ASL: variants seen among roughly 807,000 people sequenced by gnomAD.
ASL encodes the protein argininosuccinase.
Under a neutral mutation model 69.1 loss-of-function variants are expected in ASL, and 51 were observed. The ratio of observed to expected loss-of-function variants is 0.74; its 90% CI spans 0.59 to 0.93. The LOEUF is 0.93. Among genes scored for constraint, ASL ranks in the 40% least tolerant of loss-of-function variants. The pLI is 0.00. For synonymous variants in ASL, 241 were observed against 247.6 expected (o/e 0.97, Z 0.25); for missense variants, 540 against 623.9 (o/e 0.87, Z 1.43).
In ASL at chr7:66,087,386, G is replaced by C. The variant is rs944576125; in HGVS notation, c.655G>C (p.Glu219Gln). The change falls in exon 9 of 17, where the codon GAA becomes CAA. Residue 219 changes from glutamate (E) to glutamine (Q), a missense_variant and splice_region_variant. Physicochemically the swap from Glu to Gln is conservative, Grantham distance 29. Coordinates refer to ENST00000304874, the MANE Select transcript of ASL (RefSeq NM_000048.4). The stretch of plus-strand genomic sequence containing the variant: ...TGTGGACCGAGAGCTGCTCCGAGCA[G>C]GTGAGACGTCCTGCCCCTCCTCCCC... Reference protein sequence around the residue: ...LGVDRELLRAELNFGAITLNS... With the variant: ...LGVDRELLRAQLNFGAITLNS... The C allele has an allele frequency of 1.9e-6, 3 of 1,607,026 alleles. No individual in the cohort carries two copies. Among genetic ancestry groups the C allele is most frequent in the Non-Finnish European group, 2.5e-6 (3 of 1,179,926 alleles).
chr7:66,088,227 T>G (rs1250437291), intron 10 of ASL, among the ~76,000 whole-genome samples: 4 of 151,864 alleles, frequency 2.6e-5, no homozygotes, highest in Admixed American at 1.3e-4. Context: ...ACGCCCGTAA[T>G]CCTAGCACTT....
chr7:66,092,072 C>G lies in ASL; in HGVS notation c.1129C>G (p.Leu377Val), dbSNP rs1288503017. Residue 377 changes from leucine (L) to valine (V), a missense_variant, in exon 15 of 17, where the codon CTG becomes GTG. Leu to Val is a conservative substitution (Grantham distance 32). Transcript: ENST00000304874. ...DMLATDLAYY[L>V]VRKGMPFRQA... is the part of the protein sequence containing the mutation. ...GCTGGCCACTGACCTTGCCTATTAC[C>G]TGGTCCGCAAAGGGGTAAGTGTGTA... The G allele has an allele frequency of 6.2e-7, 1 of 1,612,668 alleles. No individual in the cohort carries two copies. The highest frequency in any genetic ancestry group is 8.5e-7 in the Non-Finnish European group (1 of 1,180,016).
intron 13 of ASL, 33 bp downstream of exon 13, chr7:66,089,368 G>A: frequency 6.3e-7 from 1 of 1,575,304 alleles, no homozygotes; most frequent in South Asian, 1.2e-5. Context: ...GCTAGTACGT[G>A]CCAGTTCTCA....
intron 9 of ASL, 113 bp from the exon 10 acceptor site, chr7:66,087,615 TC>T (rs1786707567): frequency 9.1e-7 from 1 of 1,096,378 alleles, no homozygotes; most frequent in Non-Finnish European, 1.4e-6. Flanking sequence ...AAAAGATCCC[TC>T]CCCCCAGCTG....
intron 4 of ASL, 135 bp from the exon 5 acceptor site, chr7:66,082,745 G>A: frequency 9.2e-7 from 1 of 1,081,312 alleles, no homozygotes; most frequent in Non-Finnish European, 1.4e-6. Flanking sequence ...CAGCAGAAAT[G>A]GCGAGAGATT....
rs1397223617 is a variant in ASL, at chr7:66,092,643, G to C, written c.1230G>C (p.Leu410=). The part of the protein sequence containing the change: ...TKGVALNQLS[L]QELQTISPLF... ...GGGTCGCCCTCAACCAGCTGTCACT[G>C]CAGGAGCTGCAGACCATCAGGTACG... Residue 410 remains leucine, a synonymous_variant, in exon 16 of 17, where the codon CTG becomes CTC. Coordinates refer to ENST00000304874, the MANE Select transcript of ASL (RefSeq NM_000048.4). 3 of 1,613,658 alleles carry C rather than the reference G, an allele frequency of 1.9e-6. No homozygotes were observed. The highest frequency in any genetic ancestry group is 2.5e-6 in the Non-Finnish European group (3 of 1,179,986).
chr7:66,092,704 G>A (rs1447968691), intron 16 of ASL, 41 bp downstream of exon 16: 1 of 1,613,630 alleles, frequency 6.2e-7, no homozygotes, highest in South Asian at 1.1e-5. Flanking sequence ...CCTAGGAAGT[G>A]AGCCTGGGTG....
chr7:66,089,018 G>A lies in ASL; in HGVS notation c.834-73G>A, dbSNP rs1786756265. Reference sequence around the variant, plus strand: ...GCCTTCCTCCCCGTCCCACCCCTCCGCCAGACCTGGCCATTGCGGCGCTGG... The same window carrying A: ...GCCTTCCTCCCCGTCCCACCCCTCCACCAGACCTGGCCATTGCGGCGCTGG... On this transcript the variant is annotated intron_variant, in intron 11 of 16. Transcript: ENST00000304874. The A allele has an allele frequency of 5.6e-6, 9 of 1,608,384 alleles. No individual in the cohort carries two copies. In the South Asian group the frequency reaches 9.9e-5, roughly 18 times the overall value.
At chr7:66,089,753 G>T in intron 14 of ASL, 58 bp downstream of exon 14, 1 of 1,585,360 alleles carries the variant, frequency 6.3e-7, no homozygotes, top group Non-Finnish European at 8.6e-7. Flanking sequence ...GGGTGGGCAT[G>T]CGGGGAGGGT....
chr7:66,079,630 T>C (rs2115677409), intron 2 of ASL, among the ~76,000 whole-genome samples: 1 of 152,278 alleles, frequency 6.6e-6, no homozygotes, highest in South Asian at 2.1e-4. Flanking sequence ...CATTTATTTA[T>C]TTATTTTGAG....
rs758359461 is a variant in ASL, at chr7:66,089,162, G to A, written c.905G>A (p.Arg302His). The A allele has an allele frequency of 9.3e-6, 15 of 1,613,942 alleles. No individual in the cohort carries two copies. Among genetic ancestry groups the A allele is most frequent in the Admixed American group, 1.7e-5 (1 of 60,020 alleles). The stretch of plus-strand genomic sequence containing the variant: ...GAGCTGATCCGGAGCAAGGCTGGGC[G>A]TGTGTTTGGGCGGGTGAGCAAGGCA... ...SLELIRSKAG[R>H]VFGRCAGLLM... The change falls in exon 12 of 17, where the codon CGT becomes CAT. Residue 302 changes from arginine to histidine, a missense_variant. Coordinates refer to ENST00000304874, the MANE Select transcript of ASL (RefSeq NM_000048.4).
chr7:66,077,715 C>T (rs1370618949), intron 2 of ASL, among the ~76,000 whole-genome samples: 1 of 152,022 alleles, frequency 6.6e-6, no homozygotes, highest in African/African-American at 2.4e-5. Flanking sequence ...GGCGACAAAG[C>T]AAGACTCCAC....
At chr7:66,078,916 T>A (rs1298450499) in intron 2 of ASL, among the ~76,000 whole-genome samples, 1 of 149,838 alleles carries the variant, frequency 6.7e-6, no homozygotes, top group Admixed American at 6.6e-5. Flanking sequence ...TTTTTGTTTT[T>A]GTTTTTGTTT....
At chr7:66,078,255 C>T (rs1222390209) in intron 2 of ASL, among the ~76,000 whole-genome samples, 4 of 152,072 alleles carry the variant, frequency 2.6e-5, no homozygotes, top group Admixed American at 6.6e-5. Flanking sequence ...CAGGGCCCCA[C>T]GTGGTGCTTT....
At chr7:66,086,862 G>A in intron 8 of ASL, 41 bp downstream of exon 8, 1 of 1,544,528 alleles carries the variant, frequency 6.5e-7, no homozygotes. Flanking sequence ...GGTGGGGGTG[G>A]CTGCTGCATA....
chr7:66,089,414 GA>G, intron 13 of ASL, 79 bp downstream of exon 13: 1 of 1,534,426 alleles, frequency 6.5e-7, no homozygotes, highest in Non-Finnish European at 8.8e-7. Flanking sequence ...CCCACCCCGG[GA>G]TTGCCATACA....
At position 66,088,860 on chromosome 7, in the gene ASL, G is replaced by A. The variant is rs909358635; in HGVS notation, c.772G>A (p.Glu258Lys). The change falls in exon 11 of 17, where the codon GAG (glutamate) becomes AAG (lysine). Residue 258 changes from glutamate to lysine, a missense_variant. By Grantham distance (56) the Glu-to-Lys change is moderately conservative (BLOSUM62 1). Coordinates refer to ENST00000304874, the MANE Select transcript of ASL (RefSeq NM_000048.4). ...CATGACCCATCTCAGCAGGATGGCCGAGGACCTCATCCTCTACTGCACCAA... is the reference window on the plus strand; with the variant it reads ...CATGACCCATCTCAGCAGGATGGCCAAGGACCTCATCCTCTACTGCACCAA... ...LCMTHLSRMA[E>K]DLILYCTKEF... The A allele has an allele frequency of 5.6e-6, 9 of 1,613,910 alleles. No homozygotes were observed. Among genetic ancestry groups the A allele is most frequent in the African/African-American group, 1.3e-5 (1 of 74,902 alleles).
In ASL at chr7:66,087,764, G is replaced by C. The variant is rs1786713307; in HGVS notation, c.691G>C (p.Asp231His). ...TGGGGCCATCACTCTCAACAGCATG[G>C]ATGCCACTAGTGAGCGGGACTTTGT... ...NFGAITLNSM[D>H]ATSERDFVAE... Residue 231 changes from aspartate to histidine, a missense_variant, in exon 10 of 17, where the codon GAT becomes CAT. Transcript: ENST00000304874. The C allele has an allele frequency of 1.9e-6, 3 of 1,614,168 alleles. No homozygotes were observed. Among genetic ancestry groups the C allele is most frequent in the African/African-American group, 2.7e-5 (2 of 75,054 alleles).
At chr7:66,076,126 A>G (rs1423222496) in intron 2 of ASL, 33 bp downstream of exon 2, 2 of 1,582,468 alleles carry the variant, frequency 1.3e-6, no homozygotes, top group African/African-American at 1.3e-5. Context: ...CGGTCCTCCT[A>G]GCCTCCAAAG....
Sources: gnomAD v4.1 joint callset for allele counts (sites outside exome capture counted in the v4.1 genomes callset) on GRCh38, gnomAD v4.1.1 for gene constraint, MANE v1.5 for transcripts, NCBI Gene and HGNC (gene_info 2026-07-23, HGNC 2026-07-21) for gene names.